The following MYPN variants were observed in gnomAD, a reference collection of about 807,000 sequenced individuals.
The protein encoded by MYPN is sarcomeric protein myopalladin, 145 kDa (MYOP).
Under a neutral mutation model 129.4 loss-of-function variants are expected in MYPN, and 63 were observed. The observed-to-expected ratio is 0.49, with a 90% CI of 0.40 to 0.60. MYPN has a LOEUF of 0.60. Among genes scored for constraint, MYPN ranks in the 20% least tolerant of loss-of-function variants. The probability of loss-of-function intolerance (pLI) is 0.00; values close to 1 mark genes in which losing one functional copy is unlikely to be tolerated. For missense variants in MYPN, 1,596 were observed against 1,635.4 expected, an observed-to-expected ratio of 0.98 and a Z score of 0.42; for synonymous variants, 629 against 600.9, an observed-to-expected ratio of 1.05 and a Z score of -0.68.
chr10:68,130,983 G>A (rs566063148), intron 2 of MYPN, among the ~76,000 whole-genome samples: 13 of 152,042 alleles, frequency 8.6e-5, no homozygotes, highest in Non-Finnish European at 1.9e-4. Flanking sequence ...TATTTATCTC[G>A]CTATAATAGG....
intron 13 of MYPN, among the ~76,000 whole-genome samples, chr10:68,191,533 T>C (rs1222661886): frequency 5.9e-5 from 9 of 152,210 alleles, no homozygotes; most frequent in Admixed American, 2.6e-4. Flanking sequence ...TTTCTATTTC[T>C]GCAAAGGATG....
intron 1 of MYPN, among the ~76,000 whole-genome samples, chr10:68,094,182 G>A (rs1589509655): frequency 6.6e-6 from 1 of 151,958 alleles, no homozygotes; most frequent in Non-Finnish European, 1.5e-5. Flanking sequence ...AATCCTGCCC[G>A]CCTTCTGTCT....
rs781345721 is a variant in MYPN at position 68,121,762 on chromosome 10, A to G, written c.324A>G (p.Ser108=). ...TTTCTCCTGATCAGATGAAACACTC[A>G]CCTAATTTAAGTTTTGAGCCTAACT... The part of the protein sequence containing the change: ...KRLSPDQMKH[S]PNLSFEPNFC... Residue 108 remains serine, a synonymous_variant, in exon 2 of 20, where the codon TCA becomes TCG. Coordinates refer to ENST00000358913, the MANE Select transcript of MYPN (RefSeq NM_032578.4). The G allele has an allele frequency of 6.2e-7, 1 of 1,614,128 alleles. No individual in the cohort carries two copies. Among genetic ancestry groups the G allele is most frequent in the East Asian group, 2.2e-5 (1 of 44,884 alleles).
intron 12 of MYPN, among the ~76,000 whole-genome samples, chr10:68,180,687 A>G (rs1350413707): frequency 6.6e-6 from 1 of 152,200 alleles, no homozygotes; most frequent in Non-Finnish European, 1.5e-5. Context: ...CAGGCTCAGG[A>G]CCCAGAGTAG....
chr10:68,106,574 A>G (rs577814117), upstream of MYPN: 22 of 694,682 alleles, frequency 3.2e-5, no homozygotes, highest in African/African-American at 3.5e-4. Flanking sequence ...GATACTGGAT[A>G]TGTCAAGATG....
intron 4 of MYPN, 136 bp from the exon 5 acceptor site, chr10:68,148,217 G>A (rs1021558145): frequency 1.2e-5 from 9 of 759,626 alleles, no homozygotes; most frequent in Non-Finnish European, 1.8e-5. Flanking sequence ...CTTGGTCAAC[G>A]TTTGTAAAAT....
chr10:68,173,184 C>T (rs185062373), intron 10 of MYPN, among the ~76,000 whole-genome samples: 46 of 152,298 alleles, frequency 3.0e-4, no homozygotes, highest in African/African-American at 1.0e-3. Flanking sequence ...GGTTTGTTAT[C>T]GCGAGAGAAT....
chr10:68,115,121 T>C (rs2042137289), intron 1 of MYPN, among the ~76,000 whole-genome samples: 1 of 151,720 alleles, frequency 6.6e-6, no homozygotes, highest in South Asian at 2.1e-4. Context: ...TAGCCAGGGG[T>C]GGTGGCACGC....
rs534062325 is a variant in MYPN at position 68,130,321 on chromosome 10, G to A, written c.902+7981G>A. On this transcript the variant is annotated intron_variant, in intron 2 of 19. Transcript: ENST00000358913. ...CTAAAAATACAAAAATTAGCCAGGC[G>A]TGGTGGCGGGCACCTGTAATCCCAG... Among the ~76,000 whole-genome samples, 403 of 152,094 alleles carry A rather than the reference G, an allele frequency of 2.6e-3. 3 individuals are homozygous for A. The highest frequency in any genetic ancestry group is 0.026 in the South Asian group (123 of 4,814).
intron 2 of MYPN, among the ~76,000 whole-genome samples, chr10:68,123,233 C>G (rs1488927051): frequency 2.0e-5 from 3 of 151,764 alleles, no homozygotes; most frequent in Non-Finnish European, 4.4e-5. Flanking sequence ...AAAAATTTAG[C>G]CGGGCGTGGT....
intron 4 of MYPN, among the ~76,000 whole-genome samples, chr10:68,147,165 T>C (rs2042680522): frequency 6.6e-6 from 1 of 152,152 alleles, no homozygotes; most frequent in Non-Finnish European, 1.5e-5. Flanking sequence ...TATTTATTTG[T>C]TTATTTTGAG....
rs374950923 is a variant in MYPN, at chr10:68,122,029, C to T, written c.591C>T (p.Ser197=). 12 of 1,614,210 alleles carry T rather than the reference C, an allele frequency of 7.4e-6. No homozygotes were observed. The highest frequency in any genetic ancestry group is 1.0e-5 in the Non-Finnish European group (12 of 1,180,044). ...SQNKVMQENS[S]SFSDLSERRE... ...ACAAAGTTATGCAGGAAAACAGCTCCAGTTTCTCAGATCTGTCAGAAAGAC... is the reference window on the plus strand; with the variant it reads ...ACAAAGTTATGCAGGAAAACAGCTCTAGTTTCTCAGATCTGTCAGAAAGAC... Residue 197 remains serine (S), a synonymous_variant, in exon 2 of 20, where the codon TCC becomes TCT. Transcript: ENST00000358913.
At chr10:68,092,897 G>T (rs1484826442) in intron 1 of MYPN, among the ~76,000 whole-genome samples, 1 of 152,192 alleles carries the variant, frequency 6.6e-6, no homozygotes, top group African/African-American at 2.4e-5. Context: ...TAGCTAGTGA[G>T]AGATAGAGCT....
intron 2 of MYPN, among the ~76,000 whole-genome samples, chr10:68,138,394 G>A (rs2042521033): frequency 6.6e-6 from 1 of 151,012 alleles, no homozygotes; most frequent in Admixed American, 6.6e-5. Context: ...GAGCCACTGT[G>A]CCCGGCCTCT....
At chr10:68,171,992 A>G (rs7475985) in intron 10 of MYPN, among the ~76,000 whole-genome samples, 2 of 152,364 alleles carry the variant, frequency 1.3e-5, no homozygotes, top group Admixed American at 6.5e-5. Flanking sequence ...TTAAGAATTC[A>G]AAATCCTTAA....
In MYPN at chr10:68,189,039, C is replaced by A. The variant is rs891298566; in HGVS notation, c.2838C>A (p.Ile946=). 3.7e-6 allele frequency: 6 copies of A among 1,614,154 alleles called. No individual in the cohort carries two copies. Among genetic ancestry groups the A allele is most frequent in the Non-Finnish European group, 5.1e-6 (6 of 1,180,016 alleles). ...EIPTGKCIAP[I]FDKRLKHFRV... is the part of the protein sequence containing the mutation. ...CCACGGGCAAGTGTATTGCTCCCAT[C>A]TTTGACAAGAGACTCAAGCACTTCC... The change falls in exon 13 of 20, where the codon ATC becomes ATA. Residue 946 remains isoleucine (I), a synonymous_variant. Coordinates refer to ENST00000358913, the MANE Select transcript of MYPN (RefSeq NM_032578.4).
At position 68,109,490 on chromosome 10, in the gene MYPN, G is replaced by A. The variant is rs971931860; in HGVS notation, c.-235G>A. The A allele has an allele frequency of 6.6e-6, 3 of 453,958 alleles. No homozygotes were observed. The highest frequency in any genetic ancestry group is 6.8e-4 in the Middle Eastern group (1 of 1,466). The allele number at this position is 453,958 out of a possible 1,614,324, so 28.1% of individuals were successfully genotyped here. A position where few individuals can be genotyped will look rare whatever the true frequency, so the allele number is the denominator to read the frequency against. ...GCTCAAAATAACTTGGGACCTGTGA[G>A]CTGACAAATGCTCTGGCTCCGGTGG... On this transcript the variant is annotated 5_prime_UTR_variant, in exon 1 of 20. Transcript: ENST00000358913.
At chr10:68,141,000 G>A (rs1211562567) in intron 2 of MYPN, among the ~76,000 whole-genome samples, 1 of 152,110 alleles carries the variant, frequency 6.6e-6, no homozygotes, top group Admixed American at 6.5e-5. Context: ...TGAGCCCGGG[G>A]AGGTTGAGGC....
At chr10:68,123,351 C>T (rs765470983) in intron 2 of MYPN, among the ~76,000 whole-genome samples, 5 of 151,904 alleles carry the variant, frequency 3.3e-5, no homozygotes, top group Non-Finnish European at 5.9e-5. Context: ...TGCACTCCAG[C>T]CTGGGCTACA....
Sources: gnomAD v4.1 joint callset for allele counts (sites outside exome capture counted in the v4.1 genomes callset) on GRCh38, gnomAD v4.1.1 for gene constraint, MANE v1.5 for transcripts, NCBI Gene and HGNC (gene_info 2026-07-23, HGNC 2026-07-21) for gene names.